CDC14B: variants seen among roughly 807,000 people sequenced by gnomAD.
CDC14B encodes the protein dual specificity protein phosphatase CDC14B.
In CDC14B, 22 loss-of-function variants were observed where a neutral mutation model predicts 64.2. The ratio of observed to expected loss-of-function variants is 0.34; its 90% confidence interval spans 0.24 to 0.49. The LOEUF (loss-of-function observed/expected upper bound fraction) is 0.49, where lower values mean the gene tolerates loss of function less well. Ranked by LOEUF, CDC14B falls within the 20% of genes least tolerant of loss-of-function variation. The pLI is 0.99. For missense variants in CDC14B, 498 were observed against 629.9 expected (o/e 0.79, Z 2.24); for synonymous variants, 191 against 215.8 (o/e 0.89, Z 1.01).
chr9:96,578,685 G>C (rs1159758242), intron 1 of CDC14B, among the ~76,000 whole-genome samples: 1 of 152,220 alleles, frequency 6.6e-6, no homozygotes, highest in African/African-American at 2.4e-5. Flanking sequence ...AACTTTCACA[G>C]ACCTTAGGTG....
chr9:96,510,359 G>A (rs1469894642), intron 12 of CDC14B, among the ~76,000 whole-genome samples: 1 of 152,070 alleles, frequency 6.6e-6, no homozygotes, highest in African/African-American at 2.4e-5. Flanking sequence ...CCACTAAAAT[G>A]AAAGTGAAAA....
chr9:96,503,835 G>A (rs762185976), intron 13 of CDC14B, 46 bp from the exon 14 acceptor site: 31 of 1,483,634 alleles, frequency 2.1e-5, no homozygotes, highest in Non-Finnish European at 2.5e-5. Context: ...TTTACACAGC[G>A]TCCACAGGCA....
At chr9:96,614,590 T>C (rs1847511331) in intron 1 of CDC14B, among the ~76,000 whole-genome samples, 1 of 152,198 alleles carries the variant, frequency 6.6e-6, no homozygotes, top group South Asian at 2.1e-4. Flanking sequence ...TGTTAGAGTC[T>C]TTAAATTTTT....
At chr9:96,601,966 G>A (rs1237047635) in intron 1 of CDC14B, among the ~76,000 whole-genome samples, 1 of 151,838 alleles carries the variant, frequency 6.6e-6, no homozygotes, top group Non-Finnish European at 1.5e-5. Context: ...GGCTGAGGCA[G>A]GAGAATGGCG....
In CDC14B at chr9:96,614,230, T is replaced by A. The variant is rs370731026; in HGVS notation, c.160+4989A>T. ...CCAATATTCTTTACTAATCAGAATT[T>A]TTCTTTTCTTTCTTTTTTTTTTTGA... On this transcript the variant is annotated intron_variant, in intron 1 of 13. Transcript: ENST00000375241. 1.2e-3 allele frequency among the ~76,000 whole-genome samples: 186 copies of A among 152,216 alleles called. 4 individuals are homozygous for A. The South Asian group carries it at 0.037, about 31-fold the overall frequency.
At chr9:96,615,261 G>A (rs941505462) in intron 1 of CDC14B, among the ~76,000 whole-genome samples, 5 of 152,182 alleles carry the variant, frequency 3.3e-5, no homozygotes, top group Non-Finnish European at 1.5e-5. Context: ...CTCCGTGAGA[G>A]GTGGATGGGG....
chr9:96,523,809 G>A lies in CDC14B; in HGVS notation c.947-84C>T, dbSNP rs568407440. ...TGGGCAGGCAGAATTTTTTTAAAAG[G>A]CTTCTCATGACTCTGCTTCTTTCAA... On this transcript the variant is annotated intron_variant, in intron 9 of 13. Coordinates refer to ENST00000375241, the MANE Select transcript of CDC14B (RefSeq NM_033331.4). 1.7e-3 allele frequency: 2,296 copies of A among 1,382,984 alleles called. 43 individuals carry two copies. The African/African-American group carries it at 0.027, about 16-fold the overall frequency. The allele number at this position is 1,382,984 out of a possible 1,614,324, so 85.7% of individuals were successfully genotyped here. A position where few individuals can be genotyped will look rare whatever the true frequency, so the allele number is the denominator to read the frequency against.
chr9:96,619,135 C>G (rs867003608), intron 1 of CDC14B, 84 bp downstream of exon 1: 4 of 1,131,896 alleles, frequency 3.5e-6, no homozygotes, highest in Admixed American at 8.9e-5. Context: ...CCGGAGGCCC[C>G]GGGCAGCCCG....
chr9:96,572,135 G>GA (rs1176662240), intron 1 of CDC14B, among the ~76,000 whole-genome samples: 1 of 152,194 alleles, frequency 6.6e-6, no homozygotes, highest in Non-Finnish European at 1.5e-5. Flanking sequence ...CACGGTGTCA[G>GA]AAGCTCCTGC....
At position 96,604,346 on chromosome 9, in the gene CDC14B, TTATTATTATTA is replaced by T. The variant is rs1564388681; in HGVS notation, c.160+14862_160+14872del. On this transcript the variant is annotated intron_variant, in intron 1 of 13. Transcript: ENST00000375241. ...AAAGGCCTCGTGAAGCTTGCATTTA[TTATTATTATTA>T]TTATTATTATTATTATTATTATTAT... Among the ~76,000 whole-genome samples, 222 of 51,284 alleles carry T rather than the reference TTATTATTATTA, an allele frequency of 4.3e-3. 3 individuals are homozygous for T. The highest frequency in any genetic ancestry group is 0.011 in the African/African-American group (214 of 19,320). 33.6% of individuals were successfully genotyped at this position (51,284 alleles called of 152,430 possible).
In CDC14B at chr9:96,584,271, C is replaced by T. The variant is rs1313366095; in HGVS notation, c.161-18788G>A. ...ACTTGGTAGCAGTGTTGTGGGGAAG[C>T]AGCTAAACTCCATCTACCTCAAGTC... On this transcript the variant is annotated intron_variant, in intron 1 of 13. Transcript: ENST00000375241. Among the ~76,000 whole-genome samples, 6 of 152,258 alleles carry T rather than the reference C, an allele frequency of 3.9e-5. No homozygotes were observed. In the East Asian group the frequency reaches 1.2e-3, roughly 29 times the overall value.
intron 1 of CDC14B, among the ~76,000 whole-genome samples, chr9:96,569,296 G>A (rs1300231863): frequency 6.6e-6 from 1 of 152,144 alleles, no homozygotes; most frequent in Non-Finnish European, 1.5e-5. Flanking sequence ...TCCTTCGTAT[G>A]CATTTAAACA....
At chr9:96,598,913 T>C (rs561892008) in intron 1 of CDC14B, among the ~76,000 whole-genome samples, 26 of 152,368 alleles carry the variant, frequency 1.7e-4, no homozygotes, top group African/African-American at 6.3e-4. Context: ...AAATTCTATG[T>C]AGGTACAAAA....
At chr9:96,604,169 G>A (rs948457366) in intron 1 of CDC14B, among the ~76,000 whole-genome samples, 2 of 151,954 alleles carry the variant, frequency 1.3e-5, no homozygotes, top group African/African-American at 4.8e-5. Flanking sequence ...CCGAAGTCAG[G>A]ACCTGTCACT....
intron 1 of CDC14B, among the ~76,000 whole-genome samples, chr9:96,587,486 T>C (rs1333957334): frequency 6.6e-6 from 1 of 152,192 alleles, no homozygotes. Context: ...AGAGCCTTGA[T>C]CCCAGCACCA....
At chr9:96,555,145 C>T (rs1198400685) in intron 4 of CDC14B, among the ~76,000 whole-genome samples, 1 of 152,184 alleles carries the variant, frequency 6.6e-6, no homozygotes, top group African/African-American at 2.4e-5. Context: ...CTGGCATTTC[C>T]ACCCTTGTGT....
Position 96,553,333 on chromosome 9 carries a change from C to T in CDC14B, c.421-1461G>A, listed in dbSNP as rs566046048. Among the ~76,000 whole-genome samples the T allele has an allele frequency of 1.5e-4, 23 of 151,844 alleles. No homozygotes were observed. The South Asian group carries it at 4.4e-3, about 29-fold the overall frequency. On this transcript the variant is annotated intron_variant, in intron 4 of 13. Transcript: ENST00000375241. ...AACGGAAAATTTTCCCAATGACTGG[C>T]CTGTTTCTGTTTCTTTCTTTTCTTT...
At chr9:96,524,319 T>C (rs1039071954) in intron 9 of CDC14B, among the ~76,000 whole-genome samples, 2 of 152,230 alleles carry the variant, frequency 1.3e-5, no homozygotes, top group Admixed American at 6.5e-5. Context: ...GATGATTCTA[T>C]GTGTAGCCGA....
chr9:96,555,572 A>T (rs1842400349), intron 4 of CDC14B, among the ~76,000 whole-genome samples: 1 of 152,268 alleles, frequency 6.6e-6, no homozygotes, highest in South Asian at 2.1e-4. Context: ...AATAGTGTGC[A>T]GTAGCACACT....
Sources: gnomAD v4.1 joint callset for allele counts (sites outside exome capture counted in the v4.1 genomes callset) on GRCh38, gnomAD v4.1.1 for gene constraint, MANE v1.5 for transcripts, NCBI Gene and HGNC (gene_info 2026-07-23, HGNC 2026-07-21) for gene names.